TNIK: variants seen among roughly 807,000 people sequenced by gnomAD.
TNIK encodes TRAF2 and NCK-interacting protein kinase.
TNIK carries 49 observed loss-of-function variants against 191.3 expected under a neutral mutation model. The ratio of observed to expected loss-of-function variants is 0.26; its 90% CI spans 0.20 to 0.32. TNIK has a LOEUF of 0.32. TNIK is among the 10% of genes least tolerant of loss of function. The probability of loss-of-function intolerance (pLI) is 1.00; values close to 1 mark genes in which losing one functional copy is unlikely to be tolerated. For synonymous variants in TNIK, 594 were observed against 600.9 expected, an observed-to-expected ratio of 0.99 and a Z score of 0.17; for missense variants, 1,155 against 1,702.3, an observed-to-expected ratio of 0.68 and a Z score of 5.66.
chr3:171,284,092 C>T (rs1038303761), intron 2 of TNIK, among the ~76,000 whole-genome samples: 5 of 152,030 alleles, frequency 3.3e-5, no homozygotes, highest in African/African-American at 4.8e-5. Context: ...CAGACCCAAC[C>T]GAGACCTATG....
intron 7 of TNIK, among the ~76,000 whole-genome samples, chr3:171,185,094 A>C (rs1737190482): frequency 6.6e-6 from 1 of 152,132 alleles, no homozygotes; most frequent in Admixed American, 6.5e-5. Flanking sequence ...AAGATATAGA[A>C]AATAAAAATT....
At chr3:171,170,880 C>G (rs1735193033) in intron 9 of TNIK, among the ~76,000 whole-genome samples, 1 of 152,046 alleles carries the variant, frequency 6.6e-6, no homozygotes, top group African/African-American at 2.4e-5. Flanking sequence ...GCAAGACGGT[C>G]TCTTTATAAA....
intron 21 of TNIK, chr3:171,101,863 G>C (rs1723623694): frequency 1.6e-5 from 8 of 505,728 alleles, no homozygotes; most frequent in South Asian, 2.6e-5. Context: ...GCTAGACTGA[G>C]ACTGTTCAGT....
intron 2 of TNIK, among the ~76,000 whole-genome samples, chr3:171,267,816 T>C (rs16856081): frequency 0.059 from 9,003 of 152,308 alleles, 307 homozygotes; most frequent in Middle Eastern, 0.12. Flanking sequence ...CTTCCTCATC[T>C]GTGAAACTCG....
chr3:171,437,771 C>T lies in TNIK; in HGVS notation c.57+22236G>A, dbSNP rs138473343. Among the ~76,000 whole-genome samples the T allele has an allele frequency of 3.3e-5, 5 of 152,338 alleles. No individual in the cohort carries two copies. In the East Asian group the frequency reaches 7.7e-4, roughly 23 times the overall value. On this transcript the variant is annotated intron_variant, in intron 1 of 32. Transcript: ENST00000436636. ...GGCCATGTTTGAACTTCATTTGATG[C>T]CCTGTGTTAGAAAGAATCTTTCTTG... is the stretch of plus-strand genomic sequence containing the variant.
chr3:171,399,941 T>C (rs1720711571), intron 1 of TNIK, among the ~76,000 whole-genome samples: 1 of 152,148 alleles, frequency 6.6e-6, no homozygotes. Context: ...TAAAAAGTTA[T>C]TATTGCCGAG....
chr3:171,419,007 A>C (rs2108624440), intron 1 of TNIK, among the ~76,000 whole-genome samples: 1 of 152,234 alleles, frequency 6.6e-6, no homozygotes, highest in Admixed American at 6.5e-5. Context: ...CCCATATGGC[A>C]GAGAGAGAGC....
chr3:171,088,774 A>G (rs1721682309), intron 23 of TNIK, among the ~76,000 whole-genome samples: 1 of 152,218 alleles, frequency 6.6e-6, no homozygotes, highest in East Asian at 1.9e-4. Flanking sequence ...AGGCCTGACT[A>G]GTGTTGCACT....
At chr3:171,112,174 A>C (rs1362041941) in intron 18 of TNIK, among the ~76,000 whole-genome samples, 1 of 152,240 alleles carries the variant, frequency 6.6e-6, no homozygotes, top group East Asian at 1.9e-4. Flanking sequence ...TATACACTGT[A>C]AATAGATATA....
At chr3:171,115,590 G>C (rs150167631) in intron 18 of TNIK, among the ~76,000 whole-genome samples, 2 of 152,214 alleles carry the variant, frequency 1.3e-5, no homozygotes, top group African/African-American at 4.8e-5. Context: ...GGGAACAGTC[G>C]GAGCAGACAT....
At chr3:171,424,297 C>T (rs1181661169) in intron 1 of TNIK, among the ~76,000 whole-genome samples, 2 of 152,166 alleles carry the variant, frequency 1.3e-5, no homozygotes, top group Non-Finnish European at 2.9e-5. Flanking sequence ...CATCTGACAC[C>T]AGTTAGAAAG....
chr3:171,338,026 G>A (rs572655058), intron 2 of TNIK, among the ~76,000 whole-genome samples: 22 of 152,276 alleles, frequency 1.4e-4, no homozygotes, highest in East Asian at 5.8e-4. Flanking sequence ...CAGCTTAATC[G>A]AAACTACGTA....
At chr3:171,415,812 C>G (rs1722969023) in intron 1 of TNIK, among the ~76,000 whole-genome samples, 1 of 151,236 alleles carries the variant, frequency 6.6e-6, no homozygotes, top group African/African-American at 2.4e-5. Context: ...GAAACCCTGT[C>G]TCTACTAAAA....
chr3:171,127,634 T>C (rs1424617964), intron 16 of TNIK, among the ~76,000 whole-genome samples: 3 of 152,166 alleles, frequency 2.0e-5, no homozygotes, highest in Non-Finnish European at 2.9e-5. Context: ...TATTTGTACA[T>C]TAAAATAGAA....
chr3:171,442,634 C>A (rs1726966294), intron 1 of TNIK, among the ~76,000 whole-genome samples: 1 of 152,146 alleles, frequency 6.6e-6, no homozygotes. Context: ...AAGAAGGACC[C>A]TTTTTGTTTC....
chr3:171,188,649 G>C lies in TNIK; in HGVS notation c.639+53C>G, dbSNP rs576721895. On this transcript the variant is annotated intron_variant, in intron 7 of 32. Transcript: ENST00000436636. ...TATAAGGGCATGTAAGACTTTATAA[G>C]ACTCAGGATAAGATGGTAGGCATAG... 25 of 1,598,688 alleles carry C rather than the reference G, an allele frequency of 1.6e-5. No individual in the cohort carries two copies. The African/African-American group carries it at 3.2e-4, about 21-fold the overall frequency.
intron 18 of TNIK, among the ~76,000 whole-genome samples, chr3:171,118,893 T>G (rs1258889691): frequency 6.6e-6 from 1 of 152,088 alleles, no homozygotes; most frequent in East Asian, 1.9e-4. Context: ...GGACTTCATG[T>G]CTAAAACACC....
chr3:171,365,158 A>ATTTTTTTTTTTTTT (rs1715515509), intron 2 of TNIK, among the ~76,000 whole-genome samples: 2 of 51,590 alleles, frequency 3.9e-5, no homozygotes, highest in Non-Finnish European at 9.9e-5. Context: ...AAAGGACTAC[A>ATTTTTTTTTTTTTT]TTCTTTTTTT....
At chr3:171,424,251 A>G (rs978070870) in intron 1 of TNIK, among the ~76,000 whole-genome samples, 6 of 152,256 alleles carry the variant, frequency 3.9e-5, no homozygotes, top group Non-Finnish European at 7.3e-5. Flanking sequence ...ATCACTTGCC[A>G]TCAGAGAAAT....
Sources: allele counts gnomAD v4.1 joint callset (sites outside exome capture counted in the v4.1 genomes callset), GRCh38; gene constraint gnomAD v4.1.1; transcripts MANE v1.5; gene names NCBI Gene and HGNC (gene_info 2026-07-23, HGNC 2026-07-21).